The following ATXN10 variants were observed in gnomAD, a reference collection of about 807,000 sequenced individuals.
The protein encoded by ATXN10 is ataxin-10.
Under a neutral mutation model 52.9 loss-of-function variants are expected in ATXN10, and 28 were observed. The ratio of observed to expected loss-of-function variants is 0.53; its 90% CI spans 0.39 to 0.73. The LOEUF is 0.73. Among genes scored for constraint, ATXN10 ranks in the 30% least tolerant of loss-of-function variants. ATXN10 has a pLI of 0.00. For missense variants in ATXN10, 565 were observed against 577.0 expected (o/e 0.98, Z 0.21); for synonymous variants, 226 against 221.5 (o/e 1.02, Z -0.18).
intron 9 of ATXN10, among the ~76,000 whole-genome samples, chr22:45,748,276 T>G (rs1441194150): frequency 2.6e-5 from 4 of 152,186 alleles, no homozygotes; most frequent in Non-Finnish European, 5.9e-5. Context: ...CCTTTGGAAT[T>G]GAAAAGATCT....
intron 10 of ATXN10, among the ~76,000 whole-genome samples, chr22:45,812,600 A>C (rs1039537801): frequency 6.6e-6 from 1 of 152,152 alleles, no homozygotes; most frequent in Non-Finnish European, 1.5e-5. Context: ...CCATTTTTCT[A>C]GTAATTAGCA....
At chr22:45,791,476 G>GCCCCTATTTATGATT (rs1569065969) in intron 9 of ATXN10, among the ~76,000 whole-genome samples, 1 of 151,768 alleles carries the variant, frequency 6.6e-6, no homozygotes, top group African/African-American at 2.4e-5. Context: ...AAGTTCTCTA[G>GCCCCTATTTATGATT]TTTTCTGATA....
rs1227113245 is a variant in ATXN10 at position 45,775,966 on chromosome 22, A to G, written c.1174-30993A>G. Among the ~76,000 whole-genome samples the G allele has an allele frequency of 2.6e-5, 4 of 152,140 alleles. No homozygotes were observed. The highest frequency in any genetic ancestry group is 5.9e-5 in the Non-Finnish European group (4 of 68,018). On this transcript the variant is annotated intron_variant, in intron 9 of 11. Transcript: ENST00000252934. The surrounding 1 kb of genome is among the most constrained non-coding windows in gnomAD (Gnocchi z 4.7). ...GACATCTGTGGCCACTCCACAGCCCATTGGTTCCGTCCTTGACCCACACTT... is the reference window on the plus strand; with the variant it reads ...GACATCTGTGGCCACTCCACAGCCCGTTGGTTCCGTCCTTGACCCACACTT...
At chr22:45,756,446 A>G (rs1176675069) in intron 9 of ATXN10, among the ~76,000 whole-genome samples, 1 of 152,198 alleles carries the variant, frequency 6.6e-6, no homozygotes, top group African/African-American at 2.4e-5. Flanking sequence ...ACTCGGCCCC[A>G]GACCCTTTTT....
chr22:45,721,676 A>G (rs985069816), intron 6 of ATXN10, among the ~76,000 whole-genome samples: 3 of 152,200 alleles, frequency 2.0e-5, no homozygotes, highest in Admixed American at 1.3e-4. Context: ...CGTTTTCTCC[A>G]GGTAGCATCA....
chr22:45,714,637 C>T (rs987635715), intron 5 of ATXN10, among the ~76,000 whole-genome samples: 5 of 152,190 alleles, frequency 3.3e-5, no homozygotes, highest in Admixed American at 3.3e-4. Flanking sequence ...CCACCTTGGC[C>T]TCCCAAAGTG....
At chr22:45,714,048 T>G (rs1326009764) in intron 5 of ATXN10, among the ~76,000 whole-genome samples, 1 of 152,198 alleles carries the variant, frequency 6.6e-6, no homozygotes, top group African/African-American at 2.4e-5. Context: ...CTGTTATAAT[T>G]TTGACAAACA....
rs994299652 is a variant in ATXN10, at chr22:45,805,235, G to A, written c.1174-1724G>A. Among the ~76,000 whole-genome samples, 1 of 152,154 alleles carries A rather than the reference G, an allele frequency of 6.6e-6. No individual in the cohort carries two copies. The highest frequency in any genetic ancestry group is 6.5e-5 in the Admixed American group (1 of 15,278). On this transcript the variant is annotated intron_variant, in intron 9 of 11. Transcript: ENST00000252934. The surrounding 1 kb of genome is among the most constrained non-coding windows in gnomAD (Gnocchi z 4.4). ...GTGTTTATGAGATTGTGGAGATGCT[G>A]GAACCCTCATAAATTGCTGGGTGAA...
rs1444861500 is a variant in ATXN10, at chr22:45,840,064, TACAA to T, written c.1238-2919_1238-2916del. Among the ~76,000 whole-genome samples the T allele has an allele frequency of 1.3e-5, 2 of 152,136 alleles. No individual in the cohort carries two copies. The highest frequency in any genetic ancestry group is 2.9e-5 in the Non-Finnish European group (2 of 68,030). ...CACAGTGCATTAGAGTATACAGAAA[TACAA>T]ACAAACAGTCATAGCTTACATAATT... On this transcript the variant is annotated intron_variant, in intron 10 of 11. Transcript: ENST00000252934. This position sits in a 1 kb window ranked among gnomAD's most constrained non-coding sequence, Gnocchi z 5.8.
intron 10 of ATXN10, among the ~76,000 whole-genome samples, chr22:45,821,170 G>A (rs1235930374): frequency 1.3e-5 from 2 of 152,122 alleles, no homozygotes; most frequent in Admixed American, 1.3e-4. Flanking sequence ...AAGCCAAAGT[G>A]TATCAGAATC....
chr22:45,827,129 CCACACACACACACACACACACACACA>C (rs57068887), intron 10 of ATXN10, among the ~76,000 whole-genome samples: 1 of 146,614 alleles, frequency 6.8e-6, no homozygotes, highest in Admixed American at 6.8e-5. Context: ...CCCATGGTAA[CCACACACACACACACACACACACACA>C]CACACACACA....
chr22:45,839,239 CTTACATCTT>C (rs141970086), intron 10 of ATXN10, among the ~76,000 whole-genome samples: 51 of 152,340 alleles, frequency 3.3e-4, no homozygotes, highest in African/African-American at 1.2e-3. Flanking sequence ...ACTTCCTTGA[CTTACATCTT>C]TTTGCACTTT....
At chr22:45,765,287 G>C (rs150280256) in intron 9 of ATXN10, among the ~76,000 whole-genome samples, 2 of 152,086 alleles carry the variant, frequency 1.3e-5, no homozygotes, top group African/African-American at 4.8e-5. Flanking sequence ...ATACAGAGAG[G>C]CTGTGAGGAG....
chr22:45,792,218 A>G (rs571727800), intron 9 of ATXN10, among the ~76,000 whole-genome samples: 9 of 152,192 alleles, frequency 5.9e-5, no homozygotes, highest in Non-Finnish European at 1.3e-4. Context: ...AATGATATAA[A>G]TTAGATTAAG....
Position 45,787,962 on chromosome 22 carries a change from T to A in ATXN10, c.1174-18997T>A, listed in dbSNP as rs1447591638. On this transcript the variant is annotated intron_variant, in intron 9 of 11. Transcript: ENST00000252934. The surrounding 1 kb of genome is among the most constrained non-coding windows in gnomAD (Gnocchi z 4.2). ...TTGCCTACAATATTTAGTGTGGGAT[T>A]ACTCAAATCTTTTGGTTGAGTAATA... 6.6e-6 allele frequency among the ~76,000 whole-genome samples: 1 copy of A among 152,164 alleles called. No individual in the cohort carries two copies. Among genetic ancestry groups the A allele is most frequent in the Non-Finnish European group, 1.5e-5 (1 of 68,020 alleles).
chr22:45,815,342 A>T (rs1928423809), intron 10 of ATXN10, among the ~76,000 whole-genome samples: 1 of 152,126 alleles, frequency 6.6e-6, no homozygotes, highest in African/African-American at 2.4e-5. Flanking sequence ...AAGGGTAGGG[A>T]TTGGCAGGGG....
In ATXN10 at chr22:45,843,146, A is replaced by G. The variant is rs751780079; in HGVS notation, c.1393A>G (p.Ile465Val). ...AGTTGAAAAGAAAGGCGAAAAGCTG[A>G]TCCTGAAATCTACTAGAGACACCCC... ...FEVEKKGEKL[I>V]LKSTRDTPKP The change falls in exon 11 of 12, where the codon ATC becomes GTC. Residue 465 changes from isoleucine (I) to valine (V), a missense_variant. Coordinates refer to ENST00000252934, the MANE Select transcript of ATXN10 (RefSeq NM_013236.4). This position sits in a 1 kb window ranked among gnomAD's most constrained non-coding sequence, Gnocchi z 4.5. The G allele has an allele frequency of 1.2e-6, 2 of 1,614,056 alleles. No homozygotes were observed. Among genetic ancestry groups the G allele is most frequent in the East Asian group, 2.2e-5 (1 of 44,880 alleles).
chr22:45,794,837 A>G (rs993011041), intron 9 of ATXN10, among the ~76,000 whole-genome samples: 1 of 152,178 alleles, frequency 6.6e-6, no homozygotes, highest in African/African-American at 2.4e-5. Context: ...AACCTGACCT[A>G]TACAAATATA....
At chr22:45,675,048 G>A (rs1033610373) in intron 1 of ATXN10, 2 of 152,150 alleles carry the variant, frequency 1.3e-5, no homozygotes, top group Non-Finnish European at 2.9e-5. Context: ...ATTATTTTGA[G>A]GATCTGTAAT....
Sources: gnomAD v4.1 joint callset for allele counts (sites outside exome capture counted in the v4.1 genomes callset) on GRCh38, gnomAD v4.1.1 for gene constraint, Gnocchi (gnomAD v3.1) non-coding constraint, MANE v1.5 for transcripts, NCBI Gene and HGNC (gene_info 2026-07-23, HGNC 2026-07-21) for gene names.